The following TMC1 variants were observed in gnomAD, a reference collection of about 807,000 sequenced individuals.
TMC1 encodes transmembrane channel-like protein 1.
TMC1 carries 84 observed loss-of-function variants against 105.8 expected under a neutral mutation model. The ratio of observed to expected loss-of-function variants is 0.79; its 90% confidence interval spans 0.67 to 0.95. The LOEUF (loss-of-function observed/expected upper bound fraction) is 0.95, where lower values mean the gene tolerates loss of function less well. Among genes scored for constraint, TMC1 ranks in the 40% least tolerant of loss-of-function variants. The pLI, the probability that TMC1 is intolerant of heterozygous loss-of-function variation, is 0.00. For missense variants in TMC1, 817 were observed against 914.1 expected (o/e 0.89, Z 1.37); for synonymous variants, 315 against 311.5 (o/e 1.01, Z -0.12).
intron 1 of TMC1, among the ~76,000 whole-genome samples, chr9:72,563,244 T>G (rs1824089496): frequency 6.6e-6 from 1 of 151,950 alleles, no homozygotes; most frequent in Non-Finnish European, 1.5e-5. Flanking sequence ...TTGAGAAAGG[T>G]CTTCCAGACC....
At position 72,571,478 on chromosome 9, in the gene TMC1, C is replaced by T. The variant is rs180916105; in HGVS notation, c.-427-6424C>T. On this transcript the variant is annotated intron_variant, in intron 1 of 23. Coordinates refer to ENST00000297784, the MANE Select transcript of TMC1 (RefSeq NM_138691.3). ...TTTCTTTTTTTTTGAGGTGGAGTCT[C>T]GCTCTGTCGCCCAGGCTGGAGTGCA... 5.2e-3 allele frequency among the ~76,000 whole-genome samples: 755 copies of T among 145,992 alleles called. 7 individuals are homozygous for T. Among genetic ancestry groups the T allele is most frequent in the African/African-American group, 0.018 (712 of 39,512 alleles).
chr9:72,703,534 A>T (rs996339926), intron 8 of TMC1, among the ~76,000 whole-genome samples: 1 of 152,232 alleles, frequency 6.6e-6, no homozygotes, highest in Non-Finnish European at 1.5e-5. Flanking sequence ...AGGACTAAGC[A>T]CCTGGCCTCT....
intron 4 of TMC1, among the ~76,000 whole-genome samples, chr9:72,636,086 A>G (rs1401395396): frequency 6.6e-6 from 1 of 152,118 alleles, no homozygotes; most frequent in Non-Finnish European, 1.5e-5. Context: ...CTGCCTCTCC[A>G]ATCGACAGAA....
At chr9:72,687,242 C>T (rs2589617) in intron 5 of TMC1, among the ~76,000 whole-genome samples, 33,872 of 152,076 alleles carry the variant, frequency 0.22, 4,073 homozygotes, top group East Asian at 0.39. Context: ...TGTGGGTCAG[C>T]ATTTGCTATT....
At chr9:72,702,448 C>T (rs754809696) in intron 8 of TMC1, among the ~76,000 whole-genome samples, 3 of 152,026 alleles carry the variant, frequency 2.0e-5, no homozygotes, top group Non-Finnish European at 4.4e-5. Context: ...TGAAATTGTA[C>T]CTTATTGACA....
At chr9:72,786,228 G>T (rs1285461573) in intron 13 of TMC1, among the ~76,000 whole-genome samples, 1 of 152,128 alleles carries the variant, frequency 6.6e-6, no homozygotes, top group Non-Finnish European at 1.5e-5. Flanking sequence ...GGTGGATCAC[G>T]AGGCAGAATA....
intron 1 of TMC1, among the ~76,000 whole-genome samples, chr9:72,538,394 CTTGTA>C (rs71357577): frequency 0.027 from 3,922 of 143,844 alleles, 65 homozygotes; most frequent in African/African-American, 0.05. Flanking sequence ...GGATAAAATA[CTTGTA>C]TTGTATTGTA....
chr9:72,745,871 A>T lies in TMC1; in HGVS notation c.535+3346A>T, dbSNP rs115253897. Among the ~76,000 whole-genome samples the T allele has an allele frequency of 8.6e-3, 1,305 of 152,280 alleles. 14 individuals carry two copies. Among genetic ancestry groups the T allele is most frequent in the African/African-American group, 0.029 (1,225 of 41,566 alleles). On this transcript the variant is annotated intron_variant, in intron 10 of 23. Coordinates refer to ENST00000297784, the MANE Select transcript of TMC1 (RefSeq NM_138691.3). ...TGTTTCCACATTTGGGGCTACTACA[A>T]TATCTACAACATCTTGGGTTTAACT...
At chr9:72,771,906 G>A (rs1827933015) in intron 12 of TMC1, among the ~76,000 whole-genome samples, 1 of 152,164 alleles carries the variant, frequency 6.6e-6, no homozygotes, top group African/African-American at 2.4e-5. Context: ...GTGCAGATGA[G>A]TTCCAATGTC....
rs186140581 is a variant in TMC1, at chr9:72,725,969, C to T, written c.363-14150C>T. Among the ~76,000 whole-genome samples, 199 of 152,170 alleles carry T rather than the reference C, an allele frequency of 1.3e-3. 1 individual carries two copies. The highest frequency in any genetic ancestry group is 4.5e-3 in the African/African-American group (188 of 41,534). ...CCTCCCAAAGTGCTGGGATTACAGG[C>T]GTGAGCCACCACGCCCGGCCTCAAA... On this transcript the variant is annotated intron_variant, in intron 8 of 23. Coordinates refer to ENST00000297784, the MANE Select transcript of TMC1 (RefSeq NM_138691.3).
intron 1 of TMC1, among the ~76,000 whole-genome samples, chr9:72,567,551 C>T (rs542847842): frequency 2.6e-5 from 4 of 152,000 alleles, no homozygotes; most frequent in East Asian, 3.9e-4. Flanking sequence ...CACGGGGTGG[C>T]GGGAGAGAGA....
At chr9:72,608,647 C>T (rs148403290) in intron 2 of TMC1, among the ~76,000 whole-genome samples, 4,806 of 149,046 alleles carry the variant, frequency 0.032, 127 homozygotes, top group Non-Finnish European at 0.049. Flanking sequence ...GTGGAGGTTG[C>T]GGTGAGCCAA....
At chr9:72,710,735 T>C (rs1826821015) in intron 8 of TMC1, among the ~76,000 whole-genome samples, 1 of 152,198 alleles carries the variant, frequency 6.6e-6, no homozygotes, top group African/African-American at 2.4e-5. Context: ...ATGTGAGTCC[T>C]TATGTGTTAG....
intron 12 of TMC1, among the ~76,000 whole-genome samples, chr9:72,757,727 G>A (rs1194319821): frequency 1.3e-5 from 2 of 152,172 alleles, no homozygotes; most frequent in Non-Finnish European, 2.9e-5. Flanking sequence ...TTCACTTGTG[G>A]CATCATATCG....
intron 9 of TMC1, among the ~76,000 whole-genome samples, chr9:72,740,687 T>C (rs1411690064): frequency 6.6e-6 from 1 of 152,222 alleles, no homozygotes; most frequent in Non-Finnish European, 1.5e-5. Flanking sequence ...ACACTTACTA[T>C]GTGCCAAGCA....
chr9:72,819,554 T>C (rs919728996), intron 19 of TMC1, among the ~76,000 whole-genome samples: 1 of 152,216 alleles, frequency 6.6e-6, no homozygotes, highest in East Asian at 1.9e-4. Flanking sequence ...CAATTCATTA[T>C]GGTAAAATAT....
intron 1 of TMC1, among the ~76,000 whole-genome samples, chr9:72,560,641 G>A (rs1824028904): frequency 6.6e-6 from 1 of 152,074 alleles, no homozygotes; most frequent in Non-Finnish European, 1.5e-5. Context: ...TGGGACTACA[G>A]GTGCATGCCA....
intron 1 of TMC1, among the ~76,000 whole-genome samples, chr9:72,545,053 T>C (rs1823741412): frequency 6.6e-6 from 1 of 151,996 alleles, no homozygotes; most frequent in African/African-American, 2.4e-5. Context: ...TTTCCATTCC[T>C]GAGTCTCCAA....
At chr9:72,577,108 T>A (rs1824395160) in intron 1 of TMC1, among the ~76,000 whole-genome samples, 1 of 152,190 alleles carries the variant, frequency 6.6e-6, no homozygotes, top group South Asian at 2.1e-4. Flanking sequence ...GTACTTACTC[T>A]GCAGCTATTG....
Sources: allele counts gnomAD v4.1 joint callset (sites outside exome capture counted in the v4.1 genomes callset), GRCh38; gene constraint gnomAD v4.1.1; transcripts MANE v1.5; gene names NCBI Gene and HGNC (gene_info 2026-07-23, HGNC 2026-07-21).